DIAPH3: variants seen among roughly 807,000 people sequenced by gnomAD.
DIAPH3 encodes protein diaphanous homolog 3.
A neutral mutation model predicts 144.3 loss-of-function variants in DIAPH3; 117 were observed. The ratio of observed to expected loss-of-function variants is 0.81; its 90% confidence interval spans 0.70 to 0.95. The LOEUF (loss-of-function observed/expected upper bound fraction) is 0.95, where lower values mean the gene tolerates loss of function less well. Ranked by LOEUF, DIAPH3 falls within the 40% of genes least tolerant of loss-of-function variation. The pLI, the probability that DIAPH3 is intolerant of heterozygous loss-of-function variation, is 0.00. For missense variants in DIAPH3, 1,421 were observed against 1,412.7 expected (o/e 1.01, Z -0.09); for synonymous variants, 519 against 488.9 (o/e 1.06, Z -0.81).
intron 27 of DIAPH3, among the ~76,000 whole-genome samples, chr13:59,731,547 A>G (rs1444049304): frequency 3.9e-5 from 6 of 152,194 alleles, no homozygotes; most frequent in Non-Finnish European, 8.8e-5. Context: ...GACAGACACC[A>G]TATCTACTTC....
chr13:59,769,019 C>T (rs537037768), intron 27 of DIAPH3, among the ~76,000 whole-genome samples: 2 of 152,246 alleles, frequency 1.3e-5, no homozygotes, highest in African/African-American at 4.8e-5. Context: ...TGATTACTCT[C>T]TATCCATTTA....
chr13:59,978,752 T>C (rs943710203), intron 14 of DIAPH3, among the ~76,000 whole-genome samples: 1 of 151,666 alleles, frequency 6.6e-6, no homozygotes, highest in African/African-American at 2.4e-5. Flanking sequence ...ACTGATATGA[T>C]AGCCTTCTCC....
At chr13:59,776,949 C>CAAAAA (rs370913061) in intron 25 of DIAPH3, among the ~76,000 whole-genome samples, 153 of 146,930 alleles carry the variant, frequency 1.0e-3, no homozygotes, top group African/African-American at 3.7e-3. Context: ...AACAAACAAA[C>CAAAAA]AAAAAAACCC....
intron 9 of DIAPH3, among the ~76,000 whole-genome samples, chr13:59,998,797 A>G (rs2052360016): frequency 2.0e-5 from 3 of 152,214 alleles, no homozygotes; most frequent in Middle Eastern, 3.4e-3. Flanking sequence ...GCAAACCTCA[A>G]TAAAAGTAGT....
chr13:59,739,816 C>T (rs540534007), intron 27 of DIAPH3, among the ~76,000 whole-genome samples: 39 of 152,126 alleles, frequency 2.6e-4, no homozygotes, highest in African/African-American at 9.2e-4. Context: ...ATAAAGTCAA[C>T]CCTCTGAATC....
chr13:59,724,471 C>T (rs958321274), intron 27 of DIAPH3, among the ~76,000 whole-genome samples: 2 of 152,038 alleles, frequency 1.3e-5, no homozygotes, highest in Non-Finnish European at 2.9e-5. Flanking sequence ...GCCTTACTCT[C>T]GGTATTTCTT....
At chr13:59,803,566 T>C (rs2040047251) in intron 25 of DIAPH3, among the ~76,000 whole-genome samples, 1 of 151,892 alleles carries the variant, frequency 6.6e-6, no homozygotes, top group Non-Finnish European at 1.5e-5. Context: ...CTCAAGAAAG[T>C]TTAAAAAGAA....
intron 27 of DIAPH3, among the ~76,000 whole-genome samples, chr13:59,770,067 G>A (rs749608827): frequency 5.3e-5 from 8 of 151,930 alleles, no homozygotes; most frequent in Non-Finnish European, 1.2e-4. Flanking sequence ...TAACCAAATC[G>A]AAATTGAATC....
chr13:59,824,148 T>C (rs527297912), intron 24 of DIAPH3, among the ~76,000 whole-genome samples: 1 of 152,280 alleles, frequency 6.6e-6, no homozygotes, highest in Non-Finnish European at 1.5e-5. Flanking sequence ...CAGTATTCTA[T>C]ATGGGAGCAT....
rs574208263 is a variant in DIAPH3, at chr13:60,112,151, G to A, written c.249C>T (p.Ser83=). The A allele has an allele frequency of 3.1e-6, 5 of 1,614,026 alleles. No individual in the cohort carries two copies. The Admixed American group carries it at 6.7e-5, about 22-fold the overall frequency. The part of the protein sequence containing the change: ...DKFASIRIPG[S]KKERPPLPNL... ...TGGGAAGTGGAGGTCTCTCTTTCTT[G>A]CTCCCTGGAATTCTTATGCTGGCAA... The change falls in exon 3 of 28, where the codon AGC becomes AGT. Residue 83 remains serine, a synonymous_variant. Coordinates refer to ENST00000400324, the MANE Select transcript of DIAPH3 (RefSeq NM_001042517.2).
chr13:59,745,051 T>C (rs2036635644), intron 27 of DIAPH3, among the ~76,000 whole-genome samples: 1 of 152,216 alleles, frequency 6.6e-6, no homozygotes, highest in African/African-American at 2.4e-5. Context: ...AGAAGGTTTC[T>C]TGCTATAGTT....
intron 27 of DIAPH3, among the ~76,000 whole-genome samples, chr13:59,716,468 C>A (rs1420135965): frequency 6.6e-6 from 1 of 152,154 alleles, no homozygotes; most frequent in Non-Finnish European, 1.5e-5. Context: ...AGCCACCGTG[C>A]CCGGCCCCAG....
chr13:59,843,134 A>G (rs543522735), intron 22 of DIAPH3, among the ~76,000 whole-genome samples: 4 of 152,314 alleles, frequency 2.6e-5, no homozygotes, highest in African/African-American at 9.6e-5. Context: ...ACATTAACAT[A>G]CAAAATATGT....
chr13:59,789,995 AG>A (rs1296036938), intron 25 of DIAPH3, among the ~76,000 whole-genome samples: 1 of 152,202 alleles, frequency 6.6e-6, no homozygotes, highest in African/African-American at 2.4e-5. Context: ...TGTTTTGTTC[AG>A]GAAGTAGTTG....
chr13:59,938,788 T>C (rs1294965264), intron 17 of DIAPH3, among the ~76,000 whole-genome samples: 1 of 152,156 alleles, frequency 6.6e-6, no homozygotes, highest in East Asian at 1.9e-4. Flanking sequence ...TTTTTAAAAA[T>C]AATCTTCCTG....
intron 22 of DIAPH3, among the ~76,000 whole-genome samples, chr13:59,844,105 TAAA>T (rs60906914): frequency 9.0e-5 from 13 of 144,858 alleles, no homozygotes; most frequent in Non-Finnish European, 7.6e-5. Flanking sequence ...TCCCAGAACT[TAAA>T]AAAAAAAAAA....
intron 12 of DIAPH3, among the ~76,000 whole-genome samples, chr13:59,987,773 G>A (rs1176627287): frequency 6.8e-6 from 1 of 147,826 alleles, no homozygotes; most frequent in East Asian, 2.0e-4. Context: ...TAGTACAGAG[G>A]ATTAAAGAGA....
At chr13:59,762,190 T>C (rs1305430388) in intron 27 of DIAPH3, among the ~76,000 whole-genome samples, 1 of 149,698 alleles carries the variant, frequency 6.7e-6, no homozygotes, top group Non-Finnish European at 1.5e-5. Flanking sequence ...TCCGGACGAG[T>C]AGCTGGGACT....
chr13:59,830,619 C>T (rs1355424695), intron 24 of DIAPH3, among the ~76,000 whole-genome samples: 1 of 151,638 alleles, frequency 6.6e-6, no homozygotes, highest in Non-Finnish European at 1.5e-5. Context: ...CCACTATTTG[C>T]CCACATGAAA....
Sources: allele counts gnomAD v4.1 joint callset (sites outside exome capture counted in the v4.1 genomes callset), GRCh38; gene constraint gnomAD v4.1.1; transcripts MANE v1.5; gene names NCBI Gene and HGNC (gene_info 2026-07-23, HGNC 2026-07-21).